ATRX: variants seen among roughly 807,000 people sequenced by gnomAD.
ATRX encodes ATRX chromatin remodeler.
Under a neutral mutation model 172.6 loss-of-function variants are expected in ATRX, and 12 were observed. The observed-to-expected ratio is 0.07, with a 90% CI of 0.04 to 0.11. The LOEUF is 0.11. ATRX is among the 10% of genes least tolerant of loss of function. The pLI is 1.00. For synonymous variants in ATRX, 674 were observed against 594.7 expected (o/e 1.13, Z -1.94); for missense variants, 1,368 against 1,767.4 (o/e 0.77, Z 4.05).
intron 30 of ATRX, among the ~76,000 whole-genome samples, chrX:77,530,060 C>T (rs1602395982): frequency 8.9e-6 from 1 of 111,775 alleles, no homozygotes; most frequent in African/African-American, 3.3e-5. Context: ...AAATACTCCT[C>T]AGCAAATGCA....
intron 9 of ATRX, among the ~76,000 whole-genome samples, chrX:77,680,339 A>G (rs2071116882): frequency 9.0e-6 from 1 of 111,642 alleles, no homozygotes; most frequent in South Asian, 3.7e-4. Context: ...CACACACTGC[A>G]TATCACATGT....
chrX:77,745,824 G>A (rs2075049823), intron 1 of ATRX, among the ~76,000 whole-genome samples: 1 of 111,649 alleles, frequency 9.0e-6, no homozygotes, highest in East Asian at 2.8e-4. Flanking sequence ...AATGCTTGGT[G>A]ATGGATACAA....
Position 77,656,731 on chromosome X carries a change from G to C in ATRX, c.4121-78C>G, listed in dbSNP as rs1189686728. On this transcript the variant is annotated intron_variant, in intron 12 of 34. Transcript: ENST00000373344. ...AATTCACTTAATTTACCACTGACTC[G>C]ACATTAAAACAGAGCATTGTAAGAA... is the stretch of plus-strand genomic sequence containing the variant. 8.6e-6 allele frequency: 7 copies of C among 818,368 alleles called. No homozygotes were observed. The South Asian group carries it at 1.2e-4, about 14-fold the overall frequency. The allele number at this position is 818,368 out of a possible 1,213,427, so 67.4% of individuals were successfully genotyped here. A position where few individuals can be genotyped will look rare whatever the true frequency, so the allele number is the denominator to read the frequency against.
intron 9 of ATRX, among the ~76,000 whole-genome samples, chrX:77,677,468 C>T (rs782068743): frequency 8.1e-5 from 9 of 111,506 alleles, no homozygotes; most frequent in Admixed American, 5.7e-4. Context: ...TTTGATATAT[C>T]GGTTGTGGTG....
At chrX:77,515,789 A>G (rs2063034929) in intron 34 of ATRX, among the ~76,000 whole-genome samples, 1 of 112,276 alleles carries the variant, frequency 8.9e-6, no homozygotes, top group African/African-American at 3.2e-5. Context: ...TCAAAAATCT[A>G]CTTTCTCATT....
At chrX:77,780,512 T>G (rs1178384727) in intron 1 of ATRX, among the ~76,000 whole-genome samples, 1 of 109,003 alleles carries the variant, frequency 9.2e-6, no homozygotes, top group Non-Finnish European at 1.9e-5. Context: ...GTATTTTTAG[T>G]AGAGATGGGG....
chrX:77,580,776 C>T (rs1038364730), intron 27 of ATRX, among the ~76,000 whole-genome samples: 11 of 111,241 alleles, frequency 9.9e-5, no homozygotes, highest in African/African-American at 1.6e-4. Flanking sequence ...ATTATAACAG[C>T]GTAACTGTGG....
chrX:77,665,174 A>C (rs1017394845), intron 10 of ATRX, among the ~76,000 whole-genome samples: 1 of 112,408 alleles, frequency 8.9e-6, no homozygotes, highest in African/African-American at 3.2e-5. Flanking sequence ...TGGCATTCCA[A>C]GATAAAACTC....
At chrX:77,735,265 C>T (rs1367453329) in intron 1 of ATRX, among the ~76,000 whole-genome samples, 1 of 111,558 alleles carries the variant, frequency 9.0e-6, no homozygotes, top group African/African-American at 3.3e-5. Context: ...AGTTCAAGGC[C>T]AGCCTGGCCA....
rs782798762 is a variant in ATRX, at chrX:77,661,706, C to CATTTCCT, written c.4120+1675_4120+1676insAGGAAAT. On this transcript the variant is annotated intron_variant, in intron 12 of 34. Transcript: ENST00000373344. ...ACCCAAAATTCGCAGGCAAATATCACATTTAATTACCCAATATATATTATT... is the reference window on the plus strand; with the variant it reads ...ACCCAAAATTCGCAGGCAAATATCACATTTCCTATTTAATTACCCAATATATATTATT... 6.3e-5 allele frequency among the ~76,000 whole-genome samples: 7 copies of CATTTCCT among 110,727 alleles called. No homozygotes were observed. The South Asian group carries it at 2.7e-3, about 42-fold the overall frequency.
intron 12 of ATRX, among the ~76,000 whole-genome samples, chrX:77,661,531 C>CT (rs2069904815): frequency 1.8e-5 from 2 of 109,350 alleles, no homozygotes; most frequent in African/African-American, 6.7e-5. Flanking sequence ...TTCCCAAACA[C>CT]TTGCAAAAAT....
intron 2 of ATRX, among the ~76,000 whole-genome samples, chrX:77,712,467 C>A (rs964715421): frequency 8.9e-6 from 1 of 112,091 alleles, no homozygotes; most frequent in Admixed American, 9.5e-5. Context: ...TTCTTTAATG[C>A]GATGATATGG....
At chrX:77,734,062 C>A (rs1261210148) in intron 1 of ATRX, among the ~76,000 whole-genome samples, 1 of 109,768 alleles carries the variant, frequency 9.1e-6, no homozygotes, top group African/African-American at 3.3e-5. Flanking sequence ...AAAAAATTAG[C>A]CAGGCGTGGT....
intron 19 of ATRX, among the ~76,000 whole-genome samples, chrX:77,624,121 C>T (rs2067712440): frequency 8.9e-6 from 1 of 111,781 alleles, no homozygotes; most frequent in African/African-American, 3.3e-5. Flanking sequence ...AATCCCAGCA[C>T]TTTGGGAGGC....
intron 1 of ATRX, among the ~76,000 whole-genome samples, chrX:77,723,840 CCA>C (rs782017766): frequency 1.8e-5 from 2 of 111,931 alleles, no homozygotes; most frequent in African/African-American, 6.5e-5. Context: ...ATTATGACTG[CCA>C]CACTCATTCC....
rs1363465490 is a variant in ATRX, at chrX:77,778,082, C to T, written c.20+7900G>A. ...CCCAGGAGGTGGAGGTTGCAGTAAG[C>T]TGAGATGGTGCCACTGAGCCCGGGT... On this transcript the variant is annotated intron_variant, in intron 1 of 34. Transcript: ENST00000373344. Among the ~76,000 whole-genome samples the T allele has an allele frequency of 4.8e-5, 5 of 105,179 alleles. No homozygotes were observed. The Admixed American group carries it at 5.2e-4, about 11-fold the overall frequency. 91.3% of individuals were successfully genotyped at this position (105,179 alleles called of 115,157 possible).
At chrX:77,784,231 G>T (rs782256435) in intron 1 of ATRX, among the ~76,000 whole-genome samples, 3 of 111,466 alleles carry the variant, frequency 2.7e-5, no homozygotes, top group Non-Finnish European at 3.8e-5. Flanking sequence ...GGTAAAATGG[G>T]CAAAACCAAG....
chrX:77,623,495 C>T (rs1024569696), intron 19 of ATRX, among the ~76,000 whole-genome samples: 1 of 111,582 alleles, frequency 9.0e-6, no homozygotes, highest in Non-Finnish European at 1.9e-5. Context: ...AGCATTGGTA[C>T]CAATCCTTTT....
At chrX:77,596,829 T>C (rs1459388018) in intron 25 of ATRX, 2 of 111,074 alleles carry the variant, frequency 1.8e-5, no homozygotes, top group African/African-American at 6.5e-5. Context: ...AATATCTCAG[T>C]ACACTTTAAA....
Sources: allele counts gnomAD v4.1 joint callset (sites outside exome capture counted in the v4.1 genomes callset), GRCh38; gene constraint gnomAD v4.1.1; transcripts MANE v1.5; gene names NCBI Gene and HGNC (gene_info 2026-07-23, HGNC 2026-07-21).